RORA: variants seen among roughly 807,000 people sequenced by gnomAD.
RORA encodes RAR related orphan receptor A, also known as nuclear receptor ROR-alpha.
RORA carries 7 observed loss-of-function variants against 69.5 expected under a neutral mutation model. The ratio of observed to expected loss-of-function variants is 0.10; its 90% CI spans 0.06 to 0.19. The LOEUF (loss-of-function observed/expected upper bound fraction) is 0.19, where lower values mean the gene tolerates loss of function less well. RORA is among the 10% of genes least tolerant of loss of function. The pLI, the probability that RORA is intolerant of heterozygous loss-of-function variation, is 1.00. For synonymous variants in RORA, 261 were observed against 240.8 expected, an observed-to-expected ratio of 1.08 and a Z score of -0.78; for missense variants, 457 against 663.0, an observed-to-expected ratio of 0.69 and a Z score of 3.41.
chr15:60,677,427 C>T (rs938154521), intron 2 of RORA, among the ~76,000 whole-genome samples: 1 of 152,160 alleles, frequency 6.6e-6, no homozygotes, highest in African/African-American at 2.4e-5. Flanking sequence ...GAGGTGCCAT[C>T]CGGATCATGT....
chr15:60,650,941 C>A (rs895450255), intron 2 of RORA, among the ~76,000 whole-genome samples: 5 of 152,090 alleles, frequency 3.3e-5, no homozygotes, highest in African/African-American at 1.2e-4. Context: ...CAAAGTTATA[C>A]AATAAATACA....
chr15:60,559,110 C>T (rs1263696892), intron 2 of RORA, among the ~76,000 whole-genome samples: 1 of 151,824 alleles, frequency 6.6e-6, no homozygotes, highest in Non-Finnish European at 1.5e-5. Context: ...TTTAATATTA[C>T]ACATCAAAGT....
chr15:60,780,466 G>A (rs1444970972), intron 1 of RORA, among the ~76,000 whole-genome samples: 4 of 152,104 alleles, frequency 2.6e-5, no homozygotes, highest in Non-Finnish European at 5.9e-5. Context: ...AGAATCAGGC[G>A]AGCTTCTCCT....
In RORA at chr15:60,540,571, C is replaced by CA. The variant is rs1555428657; in HGVS notation, c.197-8721_197-8720insT. ...ACCTGCACAATTTCCATGACCCCCCCCCCCCAAAACTGTGCGGTCACAAAA... is the reference window on the plus strand; with the variant it reads ...ACCTGCACAATTTCCATGACCCCCCCACCCCCAAAACTGTGCGGTCACAAAA... On this transcript the variant is annotated intron_variant, in intron 2 of 10. Coordinates refer to ENST00000335670, the MANE Select transcript of RORA (RefSeq NM_134261.3). 1.2e-4 allele frequency among the ~76,000 whole-genome samples: 6 copies of CA among 50,930 alleles called. 1 individual carries two copies. In the East Asian group the frequency reaches 0.094, roughly 796 times the overall value. 33.4% of individuals were successfully genotyped at this position (50,930 alleles called of 152,430 possible).
intron 2 of RORA, among the ~76,000 whole-genome samples, chr15:60,628,577 G>A (rs948900826): frequency 6.6e-6 from 1 of 152,118 alleles, no homozygotes; most frequent in Non-Finnish European, 1.5e-5. Flanking sequence ...CATCTTGCCA[G>A]GCTTGGTTAT....
chr15:61,205,759 T>C (rs2079935759), intron 1 of RORA, among the ~76,000 whole-genome samples: 1 of 152,174 alleles, frequency 6.6e-6, no homozygotes, highest in African/African-American at 2.4e-5. Context: ...GAGCTCCATT[T>C]GCTTAGGCTG....
At chr15:60,736,467 T>C (rs2071501590) in intron 1 of RORA, among the ~76,000 whole-genome samples, 1 of 152,198 alleles carries the variant, frequency 6.6e-6, no homozygotes, top group African/African-American at 2.4e-5. Flanking sequence ...AGCATTCGGT[T>C]TAAGACTTTT....
intron 1 of RORA, among the ~76,000 whole-genome samples, chr15:60,979,730 ATGTG>A (rs35877636): frequency 1.5e-4 from 22 of 149,644 alleles, no homozygotes; most frequent in Admixed American, 8.7e-4. Context: ...GTGTGTATGT[ATGTG>A]TGTGTGTGTG....
At chr15:60,865,208 C>G (rs996155516) in intron 1 of RORA, among the ~76,000 whole-genome samples, 3 of 152,182 alleles carry the variant, frequency 2.0e-5, no homozygotes, top group Admixed American at 1.3e-4. Flanking sequence ...AACTTGGGTT[C>G]CAGTCTAGTC....
chr15:60,508,230 A>T (rs751372449), intron 5 of RORA, among the ~76,000 whole-genome samples: 2 of 152,218 alleles, frequency 1.3e-5, no homozygotes, highest in African/African-American at 2.4e-5. Flanking sequence ...TGAGCTCAGC[A>T]GATAATCTAT....
At chr15:60,651,695 T>G (rs1226007108) in intron 2 of RORA, among the ~76,000 whole-genome samples, 3 of 152,172 alleles carry the variant, frequency 2.0e-5, no homozygotes, top group African/African-American at 7.2e-5. Context: ...CCACACAGCT[T>G]TCTGCACCCT....
intron 1 of RORA, among the ~76,000 whole-genome samples, chr15:60,987,426 C>T (rs1162113344): frequency 6.6e-6 from 1 of 152,190 alleles, no homozygotes; most frequent in Non-Finnish European, 1.5e-5. Flanking sequence ...TTGACCAGAT[C>T]TGAGATGGGC....
At chr15:60,587,370 T>TA (rs2068365550) in intron 2 of RORA, among the ~76,000 whole-genome samples, 1 of 152,208 alleles carries the variant, frequency 6.6e-6, no homozygotes, top group Non-Finnish European at 1.5e-5. Flanking sequence ...TTTTCCCATA[T>TA]AAATGCCAGA....
At chr15:60,664,985 G>A (rs28451794) in intron 2 of RORA, among the ~76,000 whole-genome samples, 22,537 of 152,192 alleles carry the variant, frequency 0.15, 1,735 homozygotes, top group Middle Eastern at 0.17. Flanking sequence ...CTGTGGTTGT[G>A]TGCAGCCACT....
At chr15:61,150,758 G>A (rs1341531670) in intron 1 of RORA, among the ~76,000 whole-genome samples, 1 of 152,152 alleles carries the variant, frequency 6.6e-6, no homozygotes, top group African/African-American at 2.4e-5. Context: ...AGTTTGACCA[G>A]GGGAAACTAT....
chr15:60,555,841 G>A (rs2067342573), intron 2 of RORA, among the ~76,000 whole-genome samples: 1 of 152,036 alleles, frequency 6.6e-6, no homozygotes, highest in Non-Finnish European at 1.5e-5. Flanking sequence ...TGCTGGAAAT[G>A]GTAGTGATTT....
In RORA at chr15:60,623,655, C is replaced by T. The variant is rs147482232; in HGVS notation, c.196+55002G>A. Reference sequence around the variant, plus strand: ...GGCTGTTGCCCATAACATTATGTTGCTGTGGGCTCTGGTTACCGCTTTATG... The same window carrying T: ...GGCTGTTGCCCATAACATTATGTTGTTGTGGGCTCTGGTTACCGCTTTATG... On this transcript the variant is annotated intron_variant, in intron 2 of 10. Coordinates refer to ENST00000335670, the MANE Select transcript of RORA (RefSeq NM_134261.3). Among the ~76,000 whole-genome samples the T allele has an allele frequency of 1.7e-3, 258 of 152,202 alleles. 1 individual carries two copies. The highest frequency in any genetic ancestry group is 5.8e-3 in the African/African-American group (241 of 41,532).
At chr15:60,868,251 G>T (rs957961244) in intron 1 of RORA, among the ~76,000 whole-genome samples, 2 of 152,132 alleles carry the variant, frequency 1.3e-5, no homozygotes, top group African/African-American at 4.8e-5. Flanking sequence ...GTCACTGGAG[G>T]TATCTGTGAA....
intron 1 of RORA, among the ~76,000 whole-genome samples, chr15:61,185,964 C>T (rs1276986537): frequency 2.0e-5 from 3 of 152,164 alleles, no homozygotes; most frequent in African/African-American, 7.2e-5. Context: ...TCCTTCACCA[C>T]CCAGCTCTAA....
Sources: gnomAD v4.1 joint callset for allele counts (sites outside exome capture counted in the v4.1 genomes callset) on GRCh38, gnomAD v4.1.1 for gene constraint, MANE v1.5 for transcripts, NCBI Gene and HGNC (gene_info 2026-07-23, HGNC 2026-07-21) for gene names.